The following GDI2 variants were observed in gnomAD, a reference collection of about 807,000 sequenced individuals.
GDI2 encodes the protein rab GDP dissociation inhibitor beta.
GDI2 carries 22 observed loss-of-function variants against 54.2 expected under a neutral mutation model. The observed-to-expected ratio is 0.41, with a 90% CI of 0.29 to 0.58. The LOEUF (loss-of-function observed/expected upper bound fraction) is 0.58, where lower values mean the gene tolerates loss of function less well. Ranked by LOEUF, GDI2 falls within the 20% of genes least tolerant of loss-of-function variation. The pLI, the probability that GDI2 is intolerant of heterozygous loss-of-function variation, is 0.35. For synonymous variants in GDI2, 177 were observed against 182.1 expected, an observed-to-expected ratio of 0.97 and a Z score of 0.23; for missense variants, 422 against 546.0, an observed-to-expected ratio of 0.77 and a Z score of 2.26.
chr10:5,785,080 A>AT (rs1840844295), intron 6 of GDI2, 62 bp downstream of exon 6: 1 of 1,177,936 alleles, frequency 8.5e-7, no homozygotes, highest in Admixed American at 2.3e-5. Context: ...ACTATATCTC[A>AT]TATACACATT....
In GDI2 at chr10:5,785,976, G is replaced by T. The variant is rs1344301823; in HGVS notation, c.463C>A (p.Pro155Thr). 3.7e-6 allele frequency: 6 copies of T among 1,613,252 alleles called. No individual in the cohort carries two copies. The African/African-American group carries it at 8.0e-5, about 22-fold the overall frequency. The change falls in exon 5 of 11, where the codon CCA (proline) becomes ACA (threonine). Residue 155 changes from proline (P) to threonine (T), a missense_variant. Physicochemically the swap from Pro to Thr is conservative, Grantham distance 38. Coordinates refer to ENST00000380191, the MANE Select transcript of GDI2 (RefSeq NM_001494.4). ...GGATCAATGCCTTCAAAAGTTCTTG[G>T]ATCTTTTTCATCGAAGTTGGCAACA... ...VYVANFDEKDPRTFEGIDPKK... is the reference protein window; with the variant it reads ...VYVANFDEKDTRTFEGIDPKK...
At chr10:5,800,726 C>T (rs1841250182) in intron 1 of GDI2, 21 bp from the exon 2 acceptor site, 2 of 1,205,754 alleles carry the variant, frequency 1.7e-6, no homozygotes, top group African/African-American at 1.5e-5. Context: ...AGCATAGTAC[C>T]TTGAAAAGAA....
intron 4 of GDI2, 108 bp from the exon 5 acceptor site, chr10:5,786,158 G>A: frequency 1.7e-6 from 1 of 591,390 alleles, no homozygotes; most frequent in Non-Finnish European, 2.9e-6. Flanking sequence ...GCGGAATGCA[G>A]GATGCAATTT....
At chr10:5,805,637 T>G (rs1841362024) in intron 1 of GDI2, among the ~76,000 whole-genome samples, 1 of 152,192 alleles carries the variant, frequency 6.6e-6, no homozygotes, top group African/African-American at 2.4e-5. Context: ...CCTCCTGCCT[T>G]GTCCTCCCAA....
intron 1 of GDI2, chr10:5,811,960 TAAAAAA>T: frequency 1.5e-5 from 10 of 664,348 alleles, no homozygotes; most frequent in Non-Finnish European, 2.1e-5. Context: ...ATGTTACCTG[TAAAAAA>T]AAAAAAAAAA....
Position 5,766,565 on chromosome 10 carries a change from T to TA in GDI2, c.1064_1065insT (p.Thr356AsnfsTer8). ...TCTCAGGCTCCTTGGTTTCCACAGT[T>TA]GTACTAACTATAGCAATGTACTTCC... On this transcript the variant is annotated frameshift_variant, in exon 9 of 11. Coordinates refer to ENST00000380191, the MANE Select transcript of GDI2 (RefSeq NM_001494.4). LOFTEE classifies it high-confidence loss of function. The surrounding 1 kb of genome is among the most constrained non-coding windows in gnomAD (Gnocchi z 5.8). 1.2e-6 allele frequency: 2 copies of TA among 1,613,478 alleles called. No homozygotes were observed. Among genetic ancestry groups the TA allele is most frequent in the Non-Finnish European group, 1.7e-6 (2 of 1,179,418 alleles).
intron 7 of GDI2, among the ~76,000 whole-genome samples, chr10:5,772,554 C>T (rs1034924782): frequency 2.6e-5 from 4 of 151,996 alleles, no homozygotes; most frequent in Admixed American, 6.6e-5. Context: ...GCCGGGAGTT[C>T]GAGACCAGCC....
chr10:5,791,013 A>T (rs983712088), intron 4 of GDI2, among the ~76,000 whole-genome samples: 1 of 152,166 alleles, frequency 6.6e-6, no homozygotes, highest in African/African-American at 2.4e-5. Flanking sequence ...AAAAAATTAT[A>T]CCACTATAGG....
intron 6 of GDI2, among the ~76,000 whole-genome samples, chr10:5,778,934 C>T (rs10795544): frequency 1.3e-5 from 2 of 151,962 alleles, no homozygotes; most frequent in African/African-American, 4.8e-5. Context: ...GGCATCTCAA[C>T]AAACTATCAA....
chr10:5,779,973 C>T (rs1362356334), intron 6 of GDI2, among the ~76,000 whole-genome samples: 1 of 152,018 alleles, frequency 6.6e-6, no homozygotes, highest in Non-Finnish European at 1.5e-5. Flanking sequence ...CAATTACAGG[C>T]ATGAGCCACC....
intron 4 of GDI2, among the ~76,000 whole-genome samples, chr10:5,788,475 C>G (rs1840925566): frequency 6.6e-6 from 1 of 152,222 alleles, no homozygotes. Flanking sequence ...CACATCTGAA[C>G]TGCCACTTTT....
chr10:5,797,851 C>A (rs1212352722), intron 2 of GDI2, among the ~76,000 whole-genome samples: 2 of 152,212 alleles, frequency 1.3e-5, no homozygotes, highest in African/African-American at 2.4e-5. Context: ...CATCTAAATT[C>A]ATTCTCTCCC....
At chr10:5,787,053 TC>T (rs770843316) in intron 4 of GDI2, among the ~76,000 whole-genome samples, 15 of 145,862 alleles carry the variant, frequency 1.0e-4, no homozygotes, top group Non-Finnish European at 2.2e-4. Flanking sequence ...TGATTTTATC[TC>T]CCTTCTCCCC....
intron 1 of GDI2, among the ~76,000 whole-genome samples, chr10:5,802,092 TAC>T (rs1205667459): frequency 4.6e-5 from 7 of 152,294 alleles, no homozygotes; most frequent in Non-Finnish European, 7.4e-5. Context: ...ATGGGAAGAA[TAC>T]AGACAGCACT....
intron 4 of GDI2, among the ~76,000 whole-genome samples, chr10:5,786,529 A>C (rs1362766112): frequency 6.6e-6 from 1 of 152,200 alleles, no homozygotes; most frequent in Non-Finnish European, 1.5e-5. Flanking sequence ...ACAACACCTT[A>C]AACTGACACG....
intron 4 of GDI2, 78 bp downstream of exon 4, chr10:5,794,807 C>G: frequency 2.0e-6 from 2 of 995,032 alleles, no homozygotes; most frequent in Non-Finnish European, 3.1e-6. Context: ...TGGGTCCTCT[C>G]TAAGACTCTT....
At position 5,766,211 on chromosome 10, in the gene GDI2, G is replaced by T; in HGVS notation, c.1191+30C>A. The T allele has an allele frequency of 6.2e-7, 1 of 1,609,916 alleles. No individual in the cohort carries two copies. The highest frequency in any genetic ancestry group is 8.5e-7 in the Non-Finnish European group (1 of 1,176,140). On this transcript the variant is annotated intron_variant, in intron 10 of 10. Transcript: ENST00000380191. The surrounding 1 kb of genome is among the most constrained non-coding windows in gnomAD (Gnocchi z 5.8). ...GGAGGGATGTCTTCCAGTGAAACCTGCCCATATCCTTTCACACTTCCATAC... is the reference window on the plus strand; with the variant it reads ...GGAGGGATGTCTTCCAGTGAAACCTTCCCATATCCTTTCACACTTCCATAC...
At chr10:5,777,455 C>A (rs146019676) in intron 6 of GDI2, among the ~76,000 whole-genome samples, 1 of 152,150 alleles carries the variant, frequency 6.6e-6, no homozygotes, top group East Asian at 1.9e-4. Context: ...GCCTGGGTGA[C>A]AGAGTGAGAC....
intron 7 of GDI2, among the ~76,000 whole-genome samples, chr10:5,773,290 T>C (rs1840541121): frequency 6.6e-6 from 1 of 152,084 alleles, no homozygotes; most frequent in African/African-American, 2.4e-5. Context: ...GCAAGAACTG[T>C]TGCAGATAGT....
Sources: allele counts gnomAD v4.1 joint callset (sites outside exome capture counted in the v4.1 genomes callset), GRCh38; gene constraint gnomAD v4.1.1; non-coding constraint Gnocchi (gnomAD v3.1); transcripts MANE v1.5; gene names NCBI Gene and HGNC (gene_info 2026-07-23, HGNC 2026-07-21).